KCND2: variants seen among roughly 807,000 people sequenced by gnomAD.
KCND2 encodes the protein A-type voltage-gated potassium channel KCND2.
In KCND2, 16 loss-of-function variants were observed where a neutral mutation model predicts 54.4. The ratio of observed to expected loss-of-function variants is 0.29; its 90% CI spans 0.20 to 0.45. The LOEUF (loss-of-function observed/expected upper bound fraction) is 0.45. KCND2 is among the 20% of genes least tolerant of loss of function. The pLI, the probability that KCND2 is intolerant of heterozygous loss-of-function variation, is 1.00. For synonymous variants in KCND2, 317 were observed against 310.7 expected, an observed-to-expected ratio of 1.02 and a Z score of -0.21; for missense variants, 486 against 824.2, an observed-to-expected ratio of 0.59 and a Z score of 5.02.
intron 1 of KCND2, among the ~76,000 whole-genome samples, chr7:120,631,239 T>C (rs909567624): frequency 2.0e-5 from 3 of 152,092 alleles, no homozygotes; most frequent in Non-Finnish European, 2.9e-5. Context: ...TTTTCTGAGA[T>C]GCCATTGTAC....
intron 1 of KCND2, among the ~76,000 whole-genome samples, chr7:120,674,560 C>G (rs537398739): frequency 6.6e-6 from 1 of 152,284 alleles, no homozygotes; most frequent in Non-Finnish European, 1.5e-5. Context: ...GAGGGATAAG[C>G]CATTAGTAGA....
chr7:120,560,542 AG>A (rs1792220901), intron 1 of KCND2, among the ~76,000 whole-genome samples: 1 of 152,222 alleles, frequency 6.6e-6, no homozygotes, highest in African/African-American at 2.4e-5. Context: ...AATCAGCTTA[AG>A]CTAAAATTTT....
At chr7:120,359,804 G>T (rs924896695) in intron 1 of KCND2, among the ~76,000 whole-genome samples, 2 of 152,010 alleles carry the variant, frequency 1.3e-5, no homozygotes, top group East Asian at 1.9e-4. Context: ...CATGGGGGTG[G>T]TTCCCTGATG....
At chr7:120,544,636 A>G (rs796513125) in intron 1 of KCND2, among the ~76,000 whole-genome samples, 10 of 152,108 alleles carry the variant, frequency 6.6e-5, no homozygotes, top group African/African-American at 2.4e-4. Flanking sequence ...TGTATGAATC[A>G]TGGCCACAAC....
At chr7:120,375,600 T>C (rs149031321) in intron 1 of KCND2, among the ~76,000 whole-genome samples, 46 of 151,950 alleles carry the variant, frequency 3.0e-4, no homozygotes, top group African/African-American at 1.0e-3. Flanking sequence ...TATTTTTATA[T>C]AGATAAAAAG....
intron 1 of KCND2, among the ~76,000 whole-genome samples, chr7:120,563,039 A>G (rs1163494272): frequency 6.6e-6 from 1 of 152,200 alleles, no homozygotes; most frequent in Non-Finnish European, 1.5e-5. Flanking sequence ...ATGTCATGCA[A>G]TATGGAATTT....
In KCND2 at chr7:120,572,216, G is replaced by A. The variant is rs141695215; in HGVS notation, c.1116-160687G>A. Among the ~76,000 whole-genome samples the A allele has an allele frequency of 3.8e-3, 573 of 150,162 alleles. 2 individuals are homozygous for A. Among genetic ancestry groups the A allele is most frequent in the African/African-American group, 0.013 (529 of 40,788 alleles). The stretch of plus-strand genomic sequence containing the variant: ...CAAGTAAATTAAAATACAGCCCATT[G>A]ATTATTTAAAAATTGTGCAAAGGCC... On this transcript the variant is annotated intron_variant, in intron 1 of 5. Coordinates refer to ENST00000331113, the MANE Select transcript of KCND2 (RefSeq NM_012281.3).
intron 1 of KCND2, among the ~76,000 whole-genome samples, chr7:120,292,780 G>T (rs1212244285): frequency 7.9e-5 from 12 of 151,824 alleles, no homozygotes; most frequent in Non-Finnish European, 1.2e-4. Context: ...CCTTTCCAGG[G>T]TGATACTTGG....
intron 1 of KCND2, among the ~76,000 whole-genome samples, chr7:120,358,546 A>G (rs1024273687): frequency 2.0e-5 from 3 of 151,904 alleles, no homozygotes; most frequent in African/African-American, 7.3e-5. Context: ...TTCTCCTGAC[A>G]TGAATCTTGT....
At chr7:120,705,495 A>G (rs1047449440) in intron 1 of KCND2, among the ~76,000 whole-genome samples, 3 of 152,138 alleles carry the variant, frequency 2.0e-5, no homozygotes, top group African/African-American at 7.2e-5. Flanking sequence ...CACCTTCTCC[A>G]AGGCTGTTTT....
intron 1 of KCND2, among the ~76,000 whole-genome samples, chr7:120,491,929 A>G (rs1584799994): frequency 6.6e-6 from 1 of 152,122 alleles, no homozygotes; most frequent in South Asian, 2.1e-4. Flanking sequence ...TTTTAATTTA[A>G]ATCTTTAACC....
chr7:120,477,825 T>G (rs974261692), intron 1 of KCND2, among the ~76,000 whole-genome samples: 1 of 152,144 alleles, frequency 6.6e-6, no homozygotes, highest in Admixed American at 6.6e-5. Context: ...GATATTTGTA[T>G]TCCATGCTTG....
intron 1 of KCND2, among the ~76,000 whole-genome samples, chr7:120,325,137 T>G (rs1353906302): frequency 4.1e-5 from 6 of 146,546 alleles, no homozygotes; most frequent in East Asian, 2.0e-4. Context: ...TTGTGATTTT[T>G]GCACATTGAT....
At chr7:120,368,637 T>G (rs1800720438) in intron 1 of KCND2, among the ~76,000 whole-genome samples, 1 of 152,110 alleles carries the variant, frequency 6.6e-6, no homozygotes, top group South Asian at 2.1e-4. Flanking sequence ...ACATTTCATT[T>G]AAATTTGCAG....
At chr7:120,611,875 T>C (rs530730492) in intron 1 of KCND2, among the ~76,000 whole-genome samples, 2 of 152,280 alleles carry the variant, frequency 1.3e-5, no homozygotes, top group South Asian at 4.1e-4. Flanking sequence ...GGATGTTTCA[T>C]AGGAAGAAAT....
intron 1 of KCND2, among the ~76,000 whole-genome samples, chr7:120,684,047 C>A (rs1792171683): frequency 6.6e-6 from 1 of 152,008 alleles, no homozygotes; most frequent in Non-Finnish European, 1.5e-5. Flanking sequence ...CCAAATAGAG[C>A]CTTTATTTAG....
At chr7:120,304,911 G>C (rs1050260833) in intron 1 of KCND2, among the ~76,000 whole-genome samples, 2 of 152,110 alleles carry the variant, frequency 1.3e-5, no homozygotes, top group African/African-American at 4.8e-5. Context: ...TCACTGCACC[G>C]AGTCTGCTAA....
At chr7:120,306,965 A>T (rs937689545) in intron 1 of KCND2, among the ~76,000 whole-genome samples, 2 of 152,074 alleles carry the variant, frequency 1.3e-5, no homozygotes, top group African/African-American at 4.8e-5. Flanking sequence ...GAGGAAATTA[A>T]ACTGCATTTT....
intron 1 of KCND2, among the ~76,000 whole-genome samples, chr7:120,659,207 C>T (rs1013268689): frequency 3.3e-5 from 5 of 152,094 alleles, no homozygotes; most frequent in African/African-American, 9.7e-5. Context: ...CACAGTTTCC[C>T]TCTGGTCCTG....
Sources: gnomAD v4.1 joint callset for allele counts (sites outside exome capture counted in the v4.1 genomes callset) on GRCh38, gnomAD v4.1.1 for gene constraint, MANE v1.5 for transcripts, NCBI Gene and HGNC (gene_info 2026-07-23, HGNC 2026-07-21) for gene names.